DTNB: variants seen among roughly 807,000 people sequenced by gnomAD.
DTNB encodes the protein DTN-B.
In DTNB, 63 loss-of-function variants were observed where a neutral mutation model predicts 90.7. That is an observed-to-expected ratio of 0.69 (90% CI 0.57 to 0.86). DTNB has a LOEUF of 0.86. Among genes scored for constraint, DTNB ranks in the 40% least tolerant of loss-of-function variants. The pLI is 0.00. For missense variants in DTNB, 744 were observed against 807.1 expected (o/e 0.92, Z 0.95); for synonymous variants, 277 against 286.7 (o/e 0.97, Z 0.34).
intron 9 of DTNB, among the ~76,000 whole-genome samples, chr2:25,519,361 T>G (rs1022574435): frequency 6.6e-6 from 1 of 151,242 alleles, no homozygotes; most frequent in African/African-American, 2.4e-5. Flanking sequence ...CAAGACCCTG[T>G]TTCTACTTTT....
At chr2:25,403,475 G>A (rs1467953713) in intron 16 of DTNB, among the ~76,000 whole-genome samples, 1 of 152,026 alleles carries the variant, frequency 6.6e-6, no homozygotes, top group Non-Finnish European at 1.5e-5. Flanking sequence ...AATGATGAGA[G>A]ACCTCACCAA....
chr2:25,539,423 A>G (rs2080631788), intron 8 of DTNB, among the ~76,000 whole-genome samples: 1 of 152,182 alleles, frequency 6.6e-6, no homozygotes, highest in Non-Finnish European at 1.5e-5. Flanking sequence ...ACATTTGCCA[A>G]GCTGGTGGGT....
chr2:25,668,467 T>C (rs1480712826), intron 1 of DTNB, among the ~76,000 whole-genome samples: 1 of 152,228 alleles, frequency 6.6e-6, no homozygotes, highest in African/African-American at 2.4e-5. Context: ...CTTGCAGGGT[T>C]GTAGCATGCA....
At chr2:25,591,003 G>A (rs1025493900) in intron 6 of DTNB, among the ~76,000 whole-genome samples, 3 of 152,250 alleles carry the variant, frequency 2.0e-5, no homozygotes, top group Non-Finnish European at 2.9e-5. Context: ...AAGTCCGGGG[G>A]TGCTGAGGTG....
chr2:25,476,986 T>A (rs936350537), intron 10 of DTNB, among the ~76,000 whole-genome samples: 1 of 152,102 alleles, frequency 6.6e-6, no homozygotes, highest in African/African-American at 2.4e-5. Context: ...GCAAACTTCA[T>A]TGTTGTCTTA....
chr2:25,574,802 T>G (rs2060409920), intron 8 of DTNB, among the ~76,000 whole-genome samples: 1 of 152,180 alleles, frequency 6.6e-6, no homozygotes, highest in South Asian at 2.1e-4. Context: ...TTAAAAAAAT[T>G]TAAGTCTCTT....
At chr2:25,638,934 T>G in intron 3 of DTNB, 80 bp downstream of exon 3, 1 of 1,330,674 alleles carries the variant, frequency 7.5e-7, no homozygotes, top group Non-Finnish European at 1.0e-6. Flanking sequence ...AACATTACAA[T>G]ACAACTAAAA....
At chr2:25,586,599 G>A (rs1572972688) in intron 6 of DTNB, among the ~76,000 whole-genome samples, 2 of 152,072 alleles carry the variant, frequency 1.3e-5, no homozygotes, top group Non-Finnish European at 1.5e-5. Flanking sequence ...AGTCACTGGG[G>A]ATGGAAAGCT....
intron 4 of DTNB, among the ~76,000 whole-genome samples, chr2:25,612,391 C>T (rs1419249015): frequency 2.0e-5 from 3 of 151,970 alleles, no homozygotes; most frequent in African/African-American, 7.3e-5. Context: ...CTGGTTGCCG[C>T]CAGGGTGGGA....
At chr2:25,515,572 CATTT>C (rs60019416) in intron 9 of DTNB, among the ~76,000 whole-genome samples, 45,719 of 150,006 alleles carry the variant, frequency 0.3, 8,140 homozygotes, top group East Asian at 0.5. Context: ...GATATCCATG[CATTT>C]ATTTATTTAT....
chr2:25,483,990 A>T (rs1425685867), intron 9 of DTNB, among the ~76,000 whole-genome samples: 2 of 152,204 alleles, frequency 1.3e-5, no homozygotes, highest in African/African-American at 4.8e-5. Context: ...CCCATGTTGT[A>T]CAGGTTTGTA....
chr2:25,392,382 C>A (rs1052224937), intron 16 of DTNB, among the ~76,000 whole-genome samples: 11 of 152,158 alleles, frequency 7.2e-5, no homozygotes, highest in African/African-American at 2.7e-4. Flanking sequence ...TGTACACCAG[C>A]CTGGGCAACA....
intron 16 of DTNB, among the ~76,000 whole-genome samples, chr2:25,408,007 G>A (rs912044574): frequency 6.6e-6 from 1 of 152,016 alleles, no homozygotes; most frequent in Non-Finnish European, 1.5e-5. Context: ...ATCACTTGAA[G>A]TCAAGAGTTT....
intron 18 of DTNB, among the ~76,000 whole-genome samples, chr2:25,386,811 G>C (rs145593935): frequency 1.3e-5 from 2 of 152,188 alleles, no homozygotes; most frequent in South Asian, 2.1e-4. Flanking sequence ...GCCTGGTCAC[G>C]GACAAAAGGA....
At chr2:25,547,922 A>G (rs1254635091) in intron 8 of DTNB, among the ~76,000 whole-genome samples, 2 of 152,100 alleles carry the variant, frequency 1.3e-5, no homozygotes, top group African/African-American at 4.8e-5. Flanking sequence ...TGTATATTGC[A>G]TTTAGGTCTT....
chr2:25,497,627 C>T (rs2069253589), intron 9 of DTNB: 1 of 152,198 alleles, frequency 6.6e-6, no homozygotes, highest in African/African-American at 2.4e-5. Context: ...TTCATAAAGG[C>T]AGCTTATACG....
At chr2:25,583,509 G>GTT (rs930871504) in intron 6 of DTNB, among the ~76,000 whole-genome samples, 1 of 146,784 alleles carries the variant, frequency 6.8e-6, no homozygotes, top group African/African-American at 2.5e-5. Flanking sequence ...GAGTTTTTGT[G>GTT]TTTTTTTTTT....
chr2:25,469,757 G>T lies in DTNB; in HGVS notation c.1079+13039C>A, dbSNP rs373830892. 1.5e-3 allele frequency among the ~76,000 whole-genome samples: 227 copies of T among 152,238 alleles called. 2 individuals are homozygous for T. Among genetic ancestry groups the T allele is most frequent in the African/African-American group, 5.0e-3 (207 of 41,518 alleles). ...GCGCCCAGTCCCAAGCCATGTTAAA[G>T]AACTGGTGTTTCTCTAAGGCACAAT... On this transcript the variant is annotated intron_variant, in intron 10 of 20. Transcript: ENST00000406818.
intron 10 of DTNB, 118 bp downstream of exon 10, chr2:25,482,678 C>T: frequency 1.0e-6 from 1 of 990,392 alleles, no homozygotes. Context: ...GAAGAGAAAG[C>T]AAACCAGTCC....
Sources: gnomAD v4.1 joint callset for allele counts (sites outside exome capture counted in the v4.1 genomes callset) on GRCh38, gnomAD v4.1.1 for gene constraint, MANE v1.5 for transcripts, NCBI Gene and HGNC (gene_info 2026-07-23, HGNC 2026-07-21) for gene names.